SCN1A: variants seen among roughly 807,000 people sequenced by gnomAD.
The protein encoded by SCN1A is sodium channel protein type 1 subunit alpha.
SCN1A carries 13 observed loss-of-function variants against 193.7 expected under a neutral mutation model. The observed-to-expected ratio is 0.07, with a 90% CI of 0.04 to 0.11. The LOEUF (loss-of-function observed/expected upper bound fraction) is 0.11. Among genes scored for constraint, SCN1A ranks in the 10% least tolerant of loss-of-function variants. The pLI is 1.00. For missense variants in SCN1A, 1,432 were observed against 2,451.1 expected (o/e 0.58, Z 8.78); for synonymous variants, 781 against 843.6 (o/e 0.93, Z 1.29).
intron 28 of SCN1A, chr2:165,993,180 AGTGTGTGTGT>A (rs760561246): frequency 7.0e-6 from 1 of 143,164 alleles, no homozygotes; most frequent in African/African-American, 2.6e-5. Flanking sequence ...GAAGTGTAAG[AGTGTGTGTGT>A]GTGTGTGTGT....
At position 166,037,966 on chromosome 2, in the gene SCN1A, C is replaced by A. The variant is rs761997523; in HGVS notation, c.2756G>T (p.Cys919Phe). The change falls in exon 18 of 29, where the codon TGT becomes TTT. Residue 919 changes from cysteine (C) to phenylalanine (F), a missense_variant. Transcript: ENST00000674923. ...ACAATCACTGGCGATCTTGCAGACA[C>A]AATCTTTGTAGCTTTTACCAAAGAG... Reference protein sequence around the residue: ...MQLFGKSYKDCVCKIASDCQL... With the variant: ...MQLFGKSYKDFVCKIASDCQL... The A allele has an allele frequency of 6.2e-7, 1 of 1,614,066 alleles. No individual in the cohort carries two copies. The highest frequency in any genetic ancestry group is 8.5e-7 in the Non-Finnish European group (1 of 1,180,042).
chr2:166,148,201 G>A (rs946539542), intron 1 of SCN1A, among the ~76,000 whole-genome samples: 2 of 152,140 alleles, frequency 1.3e-5, no homozygotes, highest in Non-Finnish European at 2.9e-5. Context: ...TAGATTAGAT[G>A]CCATCTGTTG....
At position 165,991,418 on chromosome 2, in the gene SCN1A, G is replaced by T. The variant is rs766424835; in HGVS notation, c.5857C>A (p.Leu1953Ile). 1 of 1,613,782 alleles carries T rather than the reference G, an allele frequency of 6.2e-7. No individual in the cohort carries two copies. The highest frequency in any genetic ancestry group is 1.1e-5 in the South Asian group (1 of 91,078). ...ATTATCATGTCTTCTTTTATAAGAA[G>T]ATTAGCCCCACCTTTGATTTTGTTT... ...NKNKIKGGAN[L>I]LIKEDMIIDR... is the part of the protein sequence containing the mutation. Residue 1953 changes from leucine to isoleucine, a missense_variant, in exon 29 of 29, where the codon CTT (leucine) becomes ATT (isoleucine). Transcript: ENST00000674923.
chr2:166,118,631 CT>C (rs1690180097), intron 2 of SCN1A, among the ~76,000 whole-genome samples: 1 of 152,046 alleles, frequency 6.6e-6, no homozygotes. Context: ...CAAAATACTA[CT>C]GGCCTTTTTA....
chr2:166,064,398 T>A (rs1399875246), intron 4 of SCN1A, among the ~76,000 whole-genome samples: 1 of 152,166 alleles, frequency 6.6e-6, no homozygotes, highest in Non-Finnish European at 1.5e-5. Context: ...ACCTAATGGT[T>A]GTAAAAAATC....
At chr2:166,068,519 A>G (rs1376207535) in intron 4 of SCN1A, among the ~76,000 whole-genome samples, 1 of 152,212 alleles carries the variant, frequency 6.6e-6, no homozygotes, top group African/African-American at 2.4e-5. Context: ...GACTGCCCAT[A>G]TGACAATTCG....
At chr2:166,024,751 C>G (rs1354827889) in intron 19 of SCN1A, among the ~76,000 whole-genome samples, 1 of 152,188 alleles carries the variant, frequency 6.6e-6, no homozygotes, top group East Asian at 1.9e-4. Flanking sequence ...CAGCCTCTAC[C>G]TCCCAGGTTC....
intron 2 of SCN1A, among the ~76,000 whole-genome samples, chr2:166,097,012 T>G (rs954765975): frequency 1.3e-5 from 2 of 151,740 alleles, no homozygotes; most frequent in Non-Finnish European, 2.9e-5. Context: ...TTGTGTGTGT[T>G]TTTTTTGTTT....
chr2:166,131,390 G>C (rs991414594), upstream of SCN1A, among the ~76,000 whole-genome samples: 1 of 152,188 alleles, frequency 6.6e-6, no homozygotes, highest in African/African-American at 2.4e-5. Flanking sequence ...CTCCGTCTCT[G>C]TAAGACTCCG....
At chr2:166,032,191 G>T (rs1695645027) in intron 19 of SCN1A, among the ~76,000 whole-genome samples, 1 of 43,768 alleles carries the variant, frequency 2.3e-5, no homozygotes, top group African/African-American at 1.4e-4. Context: ...ATACTTAAAG[G>T]TTGAAAGTCA....
rs752978101 is a variant in SCN1A, at chr2:166,051,987, G to C, written c.696C>G (p.Gly232=). Residue 232 remains glycine, a splice_region_variant and synonymous_variant, in exon 9 of 29, where the codon GGC becomes GGG. Coordinates refer to ENST00000674923, the MANE Select transcript of SCN1A (RefSeq NM_001165963.4). ...RALKTISVIP[G]LKTIVGALIQ... ...TCAGGGCTCCCACAATGGTTTTCAG[G>C]CCTGAAAGAAAGAAGTCTATTACTA... 6.2e-7 allele frequency: 1 copy of C among 1,609,980 alleles called. No homozygotes were observed. The highest frequency in any genetic ancestry group is 1.1e-5 in the South Asian group (1 of 90,704).
chr2:166,116,675 A>AT (rs1483614786), intron 2 of SCN1A, among the ~76,000 whole-genome samples: 2 of 150,666 alleles, frequency 1.3e-5, no homozygotes, highest in Non-Finnish European at 3.0e-5. Context: ...CCTTGTCATA[A>AT]TTTTTTTGTC....
Position 166,039,489 on chromosome 2 carries a change from C to T in SCN1A, c.2523G>A (p.Thr841=), listed in dbSNP as rs1165918262. ...CGAGTCCAAGTTCTACCAGGCTAAGCGTCACAATAAAACCGTCAAAGATAT... is the reference window on the plus strand; with the variant it reads ...CGAGTCCAAGTTCTACCAGGCTAAGTGTCACAATAAAACCGTCAAAGATAT... The part of the protein sequence containing the change: ...GWNIFDGFIV[T]LSLVELGLAN... Residue 841 remains threonine, a synonymous_variant, in exon 17 of 29, where the codon ACG becomes ACA. Coordinates refer to ENST00000674923, the MANE Select transcript of SCN1A (RefSeq NM_001165963.4). 12 of 1,612,542 alleles carry T rather than the reference C, an allele frequency of 7.4e-6. No homozygotes were observed. Among genetic ancestry groups the T allele is most frequent in the Middle Eastern group, 1.6e-4 (1 of 6,078 alleles).
At chr2:166,018,806 A>C (rs1450300897) in intron 19 of SCN1A, among the ~76,000 whole-genome samples, 3 of 152,104 alleles carry the variant, frequency 2.0e-5, no homozygotes, top group African/African-American at 7.2e-5. Context: ...AAATGTTAGG[A>C]AAGTAAAACT....
At chr2:166,129,258 A>G (rs1399907007), upstream of SCN1A, among the ~76,000 whole-genome samples, 2 of 152,186 alleles carry the variant, frequency 1.3e-5, no homozygotes, top group Non-Finnish European at 2.9e-5. Context: ...TGGTCCCAAG[A>G]GCCCAAAGAA....
At chr2:166,125,081 T>A (rs745358525) in intron 2 of SCN1A, among the ~76,000 whole-genome samples, 4 of 152,180 alleles carry the variant, frequency 2.6e-5, no homozygotes, top group Non-Finnish European at 4.4e-5. Context: ...ACAAGTGCAA[T>A]GAGAATAAAT....
intron 2 of SCN1A, among the ~76,000 whole-genome samples, chr2:166,086,604 CTGGCTGGAAGTTA>C (rs1559307843): frequency 6.6e-6 from 1 of 152,128 alleles, no homozygotes; most frequent in Non-Finnish European, 1.5e-5. Flanking sequence ...TTTCTGGCTT[CTGGCTGGAAGTTA>C]TGCTTCCCAA....
At chr2:165,997,283 T>A (rs1690210241) in intron 26 of SCN1A, among the ~76,000 whole-genome samples, 1 of 151,318 alleles carries the variant, frequency 6.6e-6, no homozygotes, top group African/African-American at 2.4e-5. Flanking sequence ...ATATGAAGAC[T>A]TAACAAAATG....
intron 4 of SCN1A, among the ~76,000 whole-genome samples, chr2:166,070,759 TTTAA>T (rs1484186714): frequency 2.0e-5 from 3 of 152,250 alleles, no homozygotes; most frequent in African/African-American, 7.2e-5. Context: ...CTGAAAGCTC[TTTAA>T]TTAAAGAAAA....
Sources: gnomAD v4.1 joint callset for allele counts (sites outside exome capture counted in the v4.1 genomes callset) on GRCh38, gnomAD v4.1.1 for gene constraint, MANE v1.5 for transcripts, NCBI Gene and HGNC (gene_info 2026-07-23, HGNC 2026-07-21) for gene names.